The following COMMD10 variants were observed in gnomAD, a reference collection of about 807,000 sequenced individuals.
The protein encoded by COMMD10 is COMM domain-containing protein 10.
A neutral mutation model predicts 28.9 loss-of-function variants in COMMD10; 33 were observed. That is an observed-to-expected ratio of 1.14 (90% CI 0.87 to 1.53). The LOEUF (loss-of-function observed/expected upper bound fraction) is 1.53. COMMD10 is among the 40% of genes most tolerant of loss of function. The pLI, the probability that COMMD10 is intolerant of heterozygous loss-of-function variation, is 0.00. For missense variants in COMMD10, 310 were observed against 233.4 expected (o/e 1.33, Z -2.14); for synonymous variants, 110 against 81.7 (o/e 1.35, Z -1.87).
At chr5:116,234,531 A>G (rs1405573786) in intron 5 of COMMD10, among the ~76,000 whole-genome samples, 2 of 152,198 alleles carry the variant, frequency 1.3e-5, no homozygotes, top group Admixed American at 6.5e-5. Context: ...TTAATACAGT[A>G]AAACAGGTAA....
chr5:116,182,210 GCAA>G (rs1244250203), intron 5 of COMMD10, among the ~76,000 whole-genome samples: 9 of 151,952 alleles, frequency 5.9e-5, no homozygotes, highest in South Asian at 2.1e-4. Flanking sequence ...AGGCTTTGAG[GCAA>G]CAACAACAAC....
intron 5 of COMMD10, among the ~76,000 whole-genome samples, chr5:116,183,049 C>T (rs1383327491): frequency 6.6e-6 from 1 of 152,070 alleles, no homozygotes; most frequent in African/African-American, 2.4e-5. Context: ...AAATGTGAGT[C>T]AGTGAAACCG....
intron 5 of COMMD10, among the ~76,000 whole-genome samples, chr5:116,144,471 G>A (rs1170830105): frequency 6.6e-6 from 1 of 151,548 alleles, no homozygotes; most frequent in Admixed American, 6.6e-5. Flanking sequence ...ATACTAGAAA[G>A]TGATGGTGCT....
At chr5:116,248,095 C>T (rs564483644) in intron 5 of COMMD10, among the ~76,000 whole-genome samples, 8 of 151,344 alleles carry the variant, frequency 5.3e-5, no homozygotes, top group Non-Finnish European at 1.0e-4. Context: ...CCAAGAATAC[C>T]ACTTTTACTG....
At chr5:116,233,423 C>T (rs1749578160) in intron 5 of COMMD10, among the ~76,000 whole-genome samples, 1 of 152,056 alleles carries the variant, frequency 6.6e-6, no homozygotes, top group Non-Finnish European at 1.5e-5. Context: ...ATATATCTCC[C>T]ACAGATAAGG....
intron 5 of COMMD10, among the ~76,000 whole-genome samples, chr5:116,166,948 A>T (rs1005992932): frequency 6.6e-6 from 1 of 152,080 alleles, no homozygotes; most frequent in Non-Finnish European, 1.5e-5. Context: ...TTCTCCTCCA[A>T]AGGATCACAG....
chr5:116,192,767 G>A (rs2416436), intron 5 of COMMD10, among the ~76,000 whole-genome samples: 47,461 of 152,010 alleles, frequency 0.31, 10,211 homozygotes, highest in African/African-American at 0.62. Flanking sequence ...GGAAAACTTC[G>A]CCAGCCTTGC....
intron 1 of COMMD10, 92 bp downstream of exon 1, chr5:116,085,185 C>A: frequency 1.4e-6 from 1 of 700,482 alleles, no homozygotes. Flanking sequence ...GCCGCCTGGG[C>A]GCCGCGGCGG....
At chr5:116,157,822 T>G (rs1752766715) in intron 5 of COMMD10, among the ~76,000 whole-genome samples, 1 of 152,194 alleles carries the variant, frequency 6.6e-6, no homozygotes, top group African/African-American at 2.4e-5. Flanking sequence ...GTGATTGTTC[T>G]ACATCATGTC....
intron 4 of COMMD10, among the ~76,000 whole-genome samples, chr5:116,104,451 G>C (rs1322468516): frequency 6.6e-6 from 1 of 152,056 alleles, no homozygotes; most frequent in African/African-American, 2.4e-5. Flanking sequence ...TTCTGTGTCT[G>C]TTATTGGTGT....
intron 5 of COMMD10, among the ~76,000 whole-genome samples, chr5:116,235,469 T>C (rs1003895685): frequency 1.3e-5 from 2 of 152,208 alleles, no homozygotes; most frequent in Admixed American, 1.3e-4. Context: ...TACTTAGCTC[T>C]CACCTCTTCA....
Position 116,089,906 on chromosome 5 carries a change from G to C in COMMD10, c.133-1173G>C, listed in dbSNP as rs1488631190. Among the ~76,000 whole-genome samples the C allele has an allele frequency of 2.6e-5, 4 of 152,304 alleles. 1 individual carries two copies. Among genetic ancestry groups the C allele is most frequent in the Admixed American group, 2.6e-4 (4 of 15,310 alleles). On this transcript the variant is annotated intron_variant, in intron 2 of 6. Coordinates refer to ENST00000274458, the MANE Select transcript of COMMD10 (RefSeq NM_016144.4). ...TAAGGGCTTTTCAGTCAAGTTTGCAGTGCATTTCAGGATCTGCCTACTTTC... is the reference window on the plus strand; with the variant it reads ...TAAGGGCTTTTCAGTCAAGTTTGCACTGCATTTCAGGATCTGCCTACTTTC...
chr5:116,253,714 G>A (rs376470571), intron 5 of COMMD10, among the ~76,000 whole-genome samples: 15,105 of 147,594 alleles, frequency 0.1, 1,042 homozygotes, highest in African/African-American at 0.21. Flanking sequence ...TTTTATTGAG[G>A]ATTTTTGCAT....
At chr5:116,085,591 A>C (rs559247543) in intron 1 of COMMD10, 279 of 154,364 alleles carry the variant, frequency 1.8e-3, no homozygotes, top group Middle Eastern at 0.01. Flanking sequence ...TGGTAGAAGA[A>C]TCTAGCCTGG....
rs531471707 is a variant in COMMD10 at position 116,258,349 on chromosome 5, A to G, written c.511-33168A>G. 6.1e-4 allele frequency among the ~76,000 whole-genome samples: 92 copies of G among 151,750 alleles called. 1 individual carries two copies. Among genetic ancestry groups the G allele is most frequent in the Admixed American group, 1.3e-3 (20 of 15,214 alleles). On this transcript the variant is annotated intron_variant, in intron 5 of 6. Coordinates refer to ENST00000274458, the MANE Select transcript of COMMD10 (RefSeq NM_016144.4). ...TGCTTTTGTATTTTAATTTTAGATT[A>G]TTTCCTTTTAAAATTATGCATAAAT...
intron 5 of COMMD10, among the ~76,000 whole-genome samples, chr5:116,261,387 G>A (rs1750440659): frequency 6.6e-6 from 1 of 151,650 alleles, no homozygotes; most frequent in African/African-American, 2.4e-5. Flanking sequence ...GTATTTGGAG[G>A]ATTTTCTTGT....
intron 5 of COMMD10, among the ~76,000 whole-genome samples, chr5:116,285,961 G>A (rs1190829558): frequency 6.6e-6 from 1 of 151,782 alleles, no homozygotes; most frequent in Non-Finnish European, 1.5e-5. Context: ...TAAATGTTTT[G>A]TAGAATTGTC....
chr5:116,121,329 G>A (rs6866301), intron 4 of COMMD10, among the ~76,000 whole-genome samples: 48,034 of 152,132 alleles, frequency 0.32, 10,469 homozygotes, highest in African/African-American at 0.62. Context: ...TTTTATGGCT[G>A]CATAGTATTC....
chr5:116,248,148 A>T (rs1376384640), intron 5 of COMMD10, among the ~76,000 whole-genome samples: 1 of 151,090 alleles, frequency 6.6e-6, no homozygotes, highest in African/African-American at 2.4e-5. Flanking sequence ...AAAAAAAAAT[A>T]ACTGAGCATT....
Sources: allele counts gnomAD v4.1 joint callset (sites outside exome capture counted in the v4.1 genomes callset), GRCh38; gene constraint gnomAD v4.1.1; transcripts MANE v1.5; gene names NCBI Gene and HGNC (gene_info 2026-07-23, HGNC 2026-07-21).